Variants in P3H2 observed in about 807,000 individuals in gnomAD.
The protein encoded by P3H2 is leprecan-like 1.
P3H2 carries 80 observed loss-of-function variants against 87.0 expected under a neutral mutation model. That is an observed-to-expected ratio of 0.92 (90% CI 0.77 to 1.11). P3H2 has a LOEUF of 1.11. Among genes scored for constraint, P3H2 ranks in the 50% least tolerant of loss-of-function variants. The pLI is 0.00. For missense variants in P3H2, 1,001 were observed against 923.9 expected (o/e 1.08, Z -1.08); for synonymous variants, 367 against 359.3 (o/e 1.02, Z -0.24).
intron 13 of P3H2, among the ~76,000 whole-genome samples, chr3:189,965,916 A>T (rs1722960313): frequency 6.7e-6 from 1 of 150,252 alleles, no homozygotes; most frequent in South Asian, 2.1e-4. Context: ...AACCTGGGAG[A>T]CGGAAGTTGC....
intron 1 of P3H2, among the ~76,000 whole-genome samples, chr3:190,082,172 C>T (rs576882836): frequency 1.1e-4 from 17 of 152,260 alleles, no homozygotes; most frequent in African/African-American, 4.1e-4. Flanking sequence ...AGGAGAATCA[C>T]CTGAACCCGG....
intron 7 of P3H2, 83 bp downstream of exon 7, chr3:189,984,467 T>C: frequency 9.8e-7 from 1 of 1,023,264 alleles, no homozygotes; most frequent in Non-Finnish European, 1.6e-6. Flanking sequence ...GCCTATTTCA[T>C]AGAGCTACAT....
chr3:190,032,328 A>G (rs1388653592), intron 1 of P3H2, among the ~76,000 whole-genome samples: 1 of 152,190 alleles, frequency 6.6e-6, no homozygotes, highest in Non-Finnish European at 1.5e-5. Context: ...AATTTACTAT[A>G]TGAATTGCCT....
At chr3:190,023,490 G>A (rs1045460533) in intron 1 of P3H2, among the ~76,000 whole-genome samples, 12 of 152,170 alleles carry the variant, frequency 7.9e-5, no homozygotes, top group Admixed American at 5.2e-4. Context: ...GCAGGAAGGA[G>A]AAGTGCCGAG....
At chr3:190,088,161 A>G (rs760393058) in intron 1 of P3H2, among the ~76,000 whole-genome samples, 1 of 152,232 alleles carries the variant, frequency 6.6e-6, no homozygotes, top group African/African-American at 2.4e-5. Flanking sequence ...AAAAAATTTA[A>G]AGCCATTTTT....
intron 1 of P3H2, among the ~76,000 whole-genome samples, chr3:190,053,623 A>G (rs1381950306): frequency 6.6e-6 from 1 of 151,826 alleles, no homozygotes; most frequent in Admixed American, 6.6e-5. Context: ...ATGCCCGGCT[A>G]ATTTTTGTAT....
chr3:190,045,951 C>T (rs1156269802), intron 1 of P3H2, among the ~76,000 whole-genome samples: 2 of 152,044 alleles, frequency 1.3e-5, no homozygotes, highest in Non-Finnish European at 2.9e-5. Flanking sequence ...GAAACCCCGT[C>T]TCTAAAAATA....
chr3:190,048,293 C>T (rs913022246), intron 1 of P3H2, among the ~76,000 whole-genome samples: 20 of 152,156 alleles, frequency 1.3e-4, no homozygotes, highest in African/African-American at 4.6e-4. Flanking sequence ...GTCAGGAGTT[C>T]GAGACCAGCC....
At chr3:189,978,911 C>T (rs1407557363) in intron 8 of P3H2, among the ~76,000 whole-genome samples, 1 of 152,166 alleles carries the variant, frequency 6.6e-6, no homozygotes, top group Non-Finnish European at 1.5e-5. Context: ...AAGATTTAGT[C>T]AAACAAGTTA....
intron 1 of P3H2, among the ~76,000 whole-genome samples, chr3:190,067,485 C>G (rs990292830): frequency 6.6e-6 from 1 of 152,122 alleles, no homozygotes; most frequent in Non-Finnish European, 1.5e-5. Flanking sequence ...CTCAAAATCT[C>G]CCTATGACAA....
At chr3:189,990,453 G>A (rs1413874606) in intron 3 of P3H2, among the ~76,000 whole-genome samples, 3 of 149,676 alleles carry the variant, frequency 2.0e-5, no homozygotes, top group South Asian at 2.2e-4. Flanking sequence ...ACAAGCAAAA[G>A]GTAAAGGCGA....
chr3:190,110,139 G>A (rs539650394), intron 1 of P3H2, among the ~76,000 whole-genome samples: 14 of 151,956 alleles, frequency 9.2e-5, no homozygotes, highest in South Asian at 2.1e-4. Flanking sequence ...ATGAACCACC[G>A]CACCTGGCCC....
chr3:190,065,520 G>A (rs1452954715), intron 1 of P3H2, among the ~76,000 whole-genome samples: 7 of 152,130 alleles, frequency 4.6e-5, no homozygotes, highest in South Asian at 2.1e-4. Flanking sequence ...AACAGTCAGT[G>A]TTATGTTAAT....
At chr3:189,993,382 T>G (rs1418977658) in intron 3 of P3H2, among the ~76,000 whole-genome samples, 1 of 152,090 alleles carries the variant, frequency 6.6e-6, no homozygotes, top group Non-Finnish European at 1.5e-5. Flanking sequence ...TCTTCCCTCA[T>G]TTTGTTCTAA....
intron 4 of P3H2, among the ~76,000 whole-genome samples, chr3:189,988,065 T>G (rs893186757): frequency 6.6e-6 from 1 of 152,190 alleles, no homozygotes; most frequent in African/African-American, 2.4e-5. Context: ...TTATATATAA[T>G]GTATGAGTAA....
Position 189,965,585 on chromosome 3 carries a change from G to A in P3H2, c.1894-1487C>T, listed in dbSNP as rs144150580. Among the ~76,000 whole-genome samples, 64 of 152,322 alleles carry A rather than the reference G, an allele frequency of 4.2e-4. No homozygotes were observed. In the East Asian group the frequency reaches 0.011, roughly 27 times the overall value. ...AATCTAGAGAGTTCACGAGTTAGTCGTGTCCTCAGTATCAATGTGATTCTG... is the reference window on the plus strand; with the variant it reads ...AATCTAGAGAGTTCACGAGTTAGTCATGTCCTCAGTATCAATGTGATTCTG... On this transcript the variant is annotated intron_variant, in intron 13 of 14. Coordinates refer to ENST00000319332, the MANE Select transcript of P3H2 (RefSeq NM_018192.4).
chr3:189,980,735 C>G (rs1368399137), intron 8 of P3H2, among the ~76,000 whole-genome samples: 14 of 152,098 alleles, frequency 9.2e-5, no homozygotes, highest in Admixed American at 9.2e-4. Context: ...TAGCACAGAG[C>G]TCCCAAATCC....
chr3:189,966,094 GAAAGAAAGAAAAAAGAAAGAAAGAAAGAA>G lies in P3H2; in HGVS notation c.1894-2025_1894-1997del, dbSNP rs1166181373. On this transcript the variant is annotated intron_variant, in intron 13 of 14. Coordinates refer to ENST00000319332, the MANE Select transcript of P3H2 (RefSeq NM_018192.4). ...AGAAGGAAAGAAAGGAAGAAAGAAA[GAAAGAAAGAAAAAAGAAAGAAAGAAAGAA>G]AAAGAAAGAAAGAAAGAAAGAAAGA... Among the ~76,000 whole-genome samples the G allele has an allele frequency of 1.7e-3, 199 of 119,540 alleles. 5 individuals carry two copies. In the East Asian group the frequency reaches 0.019, roughly 12 times the overall value. 78.4% of individuals were successfully genotyped at this position (119,540 alleles called of 152,430 possible). A position where few individuals can be genotyped will look rare whatever the true frequency, so the allele number is the denominator to read the frequency against.
At chr3:190,007,337 T>C (rs1724418859) in intron 1 of P3H2, among the ~76,000 whole-genome samples, 1 of 152,172 alleles carries the variant, frequency 6.6e-6, no homozygotes, top group Admixed American at 6.5e-5. Context: ...ACTAGTTAAC[T>C]TGGAATATGG....
Sources: gnomAD v4.1 joint callset for allele counts (sites outside exome capture counted in the v4.1 genomes callset) on GRCh38, gnomAD v4.1.1 for gene constraint, MANE v1.5 for transcripts, NCBI Gene and HGNC (gene_info 2026-07-23, HGNC 2026-07-21) for gene names.